The following ABCC6 variants were observed in gnomAD, a reference collection of about 807,000 sequenced individuals.
ABCC6 encodes the protein ATP binding cassette subfamily C member 6.
In ABCC6, 126 loss-of-function variants were observed where a neutral mutation model predicts 169.5. The ratio of observed to expected loss-of-function variants is 0.74; its 90% CI spans 0.64 to 0.86. ABCC6 has a LOEUF of 0.86. ABCC6 is among the 40% of genes least tolerant of loss of function. The pLI, the probability that ABCC6 is intolerant of heterozygous loss-of-function variation, is 0.00. For missense variants in ABCC6, 1,733 were observed against 1,927.2 expected (o/e 0.90, Z 1.89); for synonymous variants, 752 against 814.7 (o/e 0.92, Z 1.31).
rs2048399340 is a variant in ABCC6, at chr16:16,206,604, C to T, written c.794+2124G>A. On this transcript the variant is annotated intron_variant, in intron 7 of 30. Coordinates refer to ENST00000205557, the MANE Select transcript of ABCC6 (RefSeq NM_001171.6). Reference sequence around the variant, plus strand: ...AGAAAACCAAAGTTCTCTGTGGGTGCAGTCGGTTGTTTCAGAAGCTGACGG... The same window carrying T: ...AGAAAACCAAAGTTCTCTGTGGGTGTAGTCGGTTGTTTCAGAAGCTGACGG... 1.3e-5 allele frequency among the ~76,000 whole-genome samples: 2 copies of T among 151,938 alleles called. 1 individual carries two copies. The highest frequency in any genetic ancestry group is 4.8e-5 in the African/African-American group (2 of 41,346).
intron 4 of ABCC6, among the ~76,000 whole-genome samples, chr16:16,219,343 A>G (rs1053799854): frequency 2.0e-5 from 3 of 152,198 alleles, no homozygotes; most frequent in African/African-American, 7.2e-5. Flanking sequence ...GTGGGCCTGT[A>G]AGACAGGAAA....
At chr16:16,158,429 C>A (rs1326679439) in intron 26 of ABCC6, among the ~76,000 whole-genome samples, 4 of 144,228 alleles carry the variant, frequency 2.8e-5, no homozygotes, top group African/African-American at 9.8e-5. Context: ...TCCCACCCAT[C>A]CATCCATCCA....
intron 26 of ABCC6, among the ~76,000 whole-genome samples, chr16:16,158,090 C>T (rs531284471): frequency 6.6e-6 from 1 of 152,228 alleles, no homozygotes; most frequent in African/African-American, 2.4e-5. Flanking sequence ...TTCTCTTTGT[C>T]TTTGTGAAAG....
At chr16:16,183,573 G>A (rs536974718) in intron 15 of ABCC6, among the ~76,000 whole-genome samples, 13 of 152,172 alleles carry the variant, frequency 8.5e-5, no homozygotes, top group Admixed American at 1.3e-4. Flanking sequence ...GCCTCCTTCC[G>A]CTCTGTGCCT....
At chr16:16,191,276 CG>C (rs35292486) in intron 11 of ABCC6, among the ~76,000 whole-genome samples, 1 of 152,114 alleles carries the variant, frequency 6.6e-6, no homozygotes, top group Admixed American at 6.5e-5. Flanking sequence ...CCACCACGCC[CG>C]GCTAAATTTT....
chr16:16,154,534 A>G (rs2046477598), intron 29 of ABCC6, 94 bp downstream of exon 29: 10 of 1,484,838 alleles, frequency 6.7e-6, no homozygotes, highest in Admixed American at 3.5e-5. Context: ...TGATAATCCT[A>G]TCGGGGGAGG....
At chr16:16,181,439 C>A (rs1389278222) in intron 17 of ABCC6, among the ~76,000 whole-genome samples, 1 of 151,500 alleles carries the variant, frequency 6.6e-6, no homozygotes, top group Non-Finnish European at 1.5e-5. Flanking sequence ...ATAAGGTGGT[C>A]AGGAAAGGCC....
chr16:16,186,730 C>T (rs2047664187), intron 14 of ABCC6, among the ~76,000 whole-genome samples: 1 of 151,082 alleles, frequency 6.6e-6, no homozygotes, highest in Non-Finnish European at 1.5e-5. Flanking sequence ...TTATATAGTA[C>T]AATGTAATAA....
intron 14 of ABCC6, 56 bp from the exon 15 acceptor site, chr16:16,185,090 TC>T: frequency 3.3e-6 from 5 of 1,513,668 alleles, no homozygotes; most frequent in African/African-American, 1.4e-5. Flanking sequence ...GGCCTCTGCA[TC>T]GGAGAGGCCC....
chr16:16,182,690 T>C lies in ABCC6; in HGVS notation c.2071-102A>G, dbSNP rs2047516760. ...TGGGCTCTCAGTGGTGGGTGAGAGG[T>C]GGAGAGAATGAGTGAAAGTGAACTT... On this transcript the variant is annotated intron_variant, in intron 16 of 30. Coordinates refer to ENST00000205557, the MANE Select transcript of ABCC6 (RefSeq NM_001171.6). 7 of 1,580,994 alleles carry C rather than the reference T, an allele frequency of 4.4e-6. No individual in the cohort carries two copies. The Admixed American group carries it at 5.1e-5, about 11-fold the overall frequency.
chr16:16,198,231 A>G, intron 9 of ABCC6, 49 bp from the exon 10 acceptor site: 1 of 1,546,822 alleles, frequency 6.5e-7, no homozygotes, highest in Non-Finnish European at 8.8e-7. Context: ...GCCGGGGCAG[A>G]GGGATGCCCC....
At chr16:16,158,173 C>G (rs528684483) in intron 26 of ABCC6, among the ~76,000 whole-genome samples, 2 of 152,258 alleles carry the variant, frequency 1.3e-5, no homozygotes, top group Non-Finnish European at 2.9e-5. Context: ...CATTCTACCC[C>G]CTTGAGTCTT....
At chr16:16,203,197 C>A (rs1486005119) in intron 8 of ABCC6, among the ~76,000 whole-genome samples, 3 of 152,252 alleles carry the variant, frequency 2.0e-5, no homozygotes. Context: ...CTAATTGATG[C>A]AGTCAGGTAA....
intron 9 of ABCC6, 56 bp from the exon 10 acceptor site, chr16:16,198,238 C>T (rs966664125): frequency 5.8e-6 from 9 of 1,539,760 alleles, no homozygotes; most frequent in Non-Finnish European, 6.2e-6. Flanking sequence ...CAGAGGGATG[C>T]CCCAGGTGGC....
intron 6 of ABCC6, among the ~76,000 whole-genome samples, chr16:16,209,672 G>T (rs1042922786): frequency 6.6e-6 from 1 of 150,460 alleles, no homozygotes; most frequent in Non-Finnish European, 1.5e-5. Flanking sequence ...GATGTGATCT[G>T]GGCTCACTGC....
chr16:16,180,315 T>C (rs979588164), intron 17 of ABCC6, among the ~76,000 whole-genome samples: 4 of 152,194 alleles, frequency 2.6e-5, no homozygotes, highest in African/African-American at 9.7e-5. Flanking sequence ...GTAACTGAGA[T>C]AGTCATCACC....
At position 16,149,786 on chromosome 16, in the gene ABCC6, C is replaced by A; in HGVS notation, c.*347G>T. ...AAAGTACACACAGCATGGCAGTTCC[C>A]AGCCTCAGAGATTCTGATTTAAGGG... On this transcript the variant is annotated 3_prime_UTR_variant, in exon 31 of 31. Coordinates refer to ENST00000205557, the MANE Select transcript of ABCC6 (RefSeq NM_001171.6). The A allele has an allele frequency of 4.5e-6, 2 of 443,096 alleles. No homozygotes were observed. The highest frequency in any genetic ancestry group is 8.4e-6 in the Non-Finnish European group (2 of 239,228). The allele number at this position is 443,096 out of a possible 1,614,324, so 27.4% of individuals were successfully genotyped here.
chr16:16,208,463 C>T (rs1015233965), intron 7 of ABCC6, among the ~76,000 whole-genome samples: 21 of 151,940 alleles, frequency 1.4e-4, no homozygotes, highest in African/African-American at 2.4e-5. Context: ...ACCTCTGCCT[C>T]CTGGGTTCAA....
rs138026855 is a variant in ABCC6, at chr16:16,177,564, C to G, written c.2478G>C (p.Leu826=). The G allele has an allele frequency of 5.6e-6, 9 of 1,614,110 alleles. No homozygotes were observed. In the African/African-American group the frequency reaches 1.1e-4, roughly 19 times the overall value. ...CCATCTCTGCGATGGCCCCATTTGC[C>G]AGCACTATGATCCAATCAGCCTGGG... ...ILPQADWIIV[L]ANGAIAEMGS... The change falls in exon 19 of 31, where the codon CTG becomes CTC. Residue 826 remains leucine (L), a synonymous_variant. Transcript: ENST00000205557.
Sources: allele counts gnomAD v4.1 joint callset (sites outside exome capture counted in the v4.1 genomes callset), GRCh38; gene constraint gnomAD v4.1.1; transcripts MANE v1.5; gene names NCBI Gene and HGNC (gene_info 2026-07-23, HGNC 2026-07-21).